The following EIF4G3 variants were observed in gnomAD, a reference collection of about 807,000 sequenced individuals.
EIF4G3 encodes the protein eIF-4-gamma 3.
EIF4G3 carries 34 observed loss-of-function variants against 186.4 expected under a neutral mutation model. The observed-to-expected ratio is 0.18, with a 90% confidence interval of 0.14 to 0.24. The LOEUF is 0.24. EIF4G3 is among the 10% of genes least tolerant of loss of function. The pLI is 1.00. For missense variants in EIF4G3, 1,536 were observed against 1,948.5 expected (o/e 0.79, Z 3.99); for synonymous variants, 673 against 679.5 (o/e 0.99, Z 0.15).
intron 6 of EIF4G3, among the ~76,000 whole-genome samples, chr1:20,998,033 A>T (rs2082670050): frequency 6.6e-6 from 1 of 152,172 alleles, no homozygotes; most frequent in African/African-American, 2.4e-5. Flanking sequence ...GCTGGAGGAA[A>T]TGAGAAAGCT....
rs2094178818 is a variant in EIF4G3, at chr1:21,051,014, T to C, written c.-195-20A>G. 1.4e-6 allele frequency: 1 copy of C among 717,186 alleles called. No homozygotes were observed. The highest frequency in any genetic ancestry group is 1.7e-5 in the African/African-American group (1 of 57,382). 44.4% of individuals were successfully genotyped at this position (717,186 alleles called of 1,614,324 possible). A position where few individuals can be genotyped will look rare whatever the true frequency, so the allele number is the denominator to read the frequency against. Reference sequence around the variant, plus strand: ...TGTTACCTGTGAGGAAATCAATATTTAGTAAGAACATTATATTAGTAAATC... The same window carrying C: ...TGTTACCTGTGAGGAAATCAATATTCAGTAAGAACATTATATTAGTAAATC... On this transcript the variant is annotated intron_variant, in intron 3 of 36. Coordinates refer to ENST00000602326, the MANE Select transcript of EIF4G3 (RefSeq NM_001391906.1).
intron 23 of EIF4G3, 85 bp downstream of exon 23, chr1:20,862,143 G>GTAAA: frequency 1.2e-6 from 1 of 811,022 alleles, no homozygotes; most frequent in Non-Finnish European, 1.9e-6. Context: ...CTTTACACAT[G>GTAAA]TAAACAACAG....
At chr1:20,993,080 T>G (rs1343706828) in intron 7 of EIF4G3, among the ~76,000 whole-genome samples, 1 of 152,168 alleles carries the variant, frequency 6.6e-6, no homozygotes, top group East Asian at 1.9e-4. Context: ...TTCTAAAAGC[T>G]CTTCAGGTTA....
At chr1:20,843,700 A>ATAGG in intron 29 of EIF4G3, among the ~76,000 whole-genome samples, 1 of 152,274 alleles carries the variant, frequency 6.6e-6, no homozygotes, top group South Asian at 2.1e-4. Flanking sequence ...GCTTTGCTAC[A>ATAGG]TAGGTAAATG....
chr1:20,943,144 C>T (rs1573250848), intron 13 of EIF4G3, among the ~76,000 whole-genome samples: 1 of 152,148 alleles, frequency 6.6e-6, no homozygotes, highest in African/African-American at 2.4e-5. Context: ...GCCTGGGCAA[C>T]TGAACAAGAT....
chr1:21,150,752 G>A (rs1190562623), intron 2 of EIF4G3, among the ~76,000 whole-genome samples: 1 of 152,216 alleles, frequency 6.6e-6, no homozygotes, highest in Non-Finnish European at 1.5e-5. Context: ...CGAGGCGGGT[G>A]GACCACCTGA....
chr1:20,939,491 C>A (rs2095634132), intron 14 of EIF4G3, among the ~76,000 whole-genome samples: 1 of 152,140 alleles, frequency 6.6e-6, no homozygotes, highest in African/African-American at 2.4e-5. Context: ...CCATCCATCC[C>A]TGGGCACTGT....
At chr1:21,126,199 CCT>C (rs1256805462) in intron 2 of EIF4G3, among the ~76,000 whole-genome samples, 5 of 149,492 alleles carry the variant, frequency 3.3e-5, no homozygotes, top group African/African-American at 1.2e-4. Context: ...AGATTGAGAC[CCT>C]GTCTCAAGAA....
At chr1:20,949,807 GA>G (rs2096126763) in intron 13 of EIF4G3, among the ~76,000 whole-genome samples, 195 bp downstream of exon 13, 2 of 152,116 alleles carry the variant, frequency 1.3e-5, no homozygotes, top group Admixed American at 1.3e-4. Context: ...ACAAATGTAT[GA>G]AATAATTTTA....
Position 21,007,077 on chromosome 1 carries a change from T to TA in EIF4G3, c.-66-4270dup, listed in dbSNP as rs1280337630. ...GTATGTGAACAAACATAAATCTGAC[T>TA]AAAAAACTAAGCTGCCAAATTTTCA... On this transcript the variant is annotated intron_variant, in intron 4 of 36. Transcript: ENST00000602326. Among the ~76,000 whole-genome samples, 3 of 152,084 alleles carry TA rather than the reference T, an allele frequency of 2.0e-5. No homozygotes were observed. In the East Asian group the frequency reaches 5.8e-4, roughly 29 times the overall value.
chr1:21,172,815 T>G (rs2098011428), intron 2 of EIF4G3, among the ~76,000 whole-genome samples: 1 of 150,128 alleles, frequency 6.7e-6, no homozygotes, highest in African/African-American at 2.5e-5. Flanking sequence ...CCCAAAGTGC[T>G]GGGATTACAG....
intron 3 of EIF4G3, among the ~76,000 whole-genome samples, chr1:21,054,442 C>T (rs961597724): frequency 6.8e-5 from 10 of 146,718 alleles, no homozygotes; most frequent in Non-Finnish European, 9.0e-5. Context: ...TCCCCCTCTG[C>T]GAGAAACACC....
chr1:20,808,201 T>C (rs895498180), intron 36 of EIF4G3, among the ~76,000 whole-genome samples: 1 of 152,002 alleles, frequency 6.6e-6, no homozygotes, highest in Non-Finnish European at 1.5e-5. Flanking sequence ...AACTATCTTC[T>C]GATACCAGTG....
chr1:20,823,673 CCTTTT>C (rs570600333), intron 33 of EIF4G3, among the ~76,000 whole-genome samples: 153 of 152,218 alleles, frequency 1.0e-3, no homozygotes, highest in African/African-American at 3.5e-3. Context: ...CTGCACCCAA[CCTTTT>C]CTTTTCTTTT....
intron 24 of EIF4G3, among the ~76,000 whole-genome samples, chr1:20,859,093 C>T (rs986617401): frequency 5.3e-5 from 8 of 152,196 alleles, no homozygotes; most frequent in African/African-American, 1.7e-4. Flanking sequence ...TGATTTTCTC[C>T]GTGCTATCTG....
chr1:21,013,540 T>A (rs1213299972), intron 4 of EIF4G3, among the ~76,000 whole-genome samples: 1 of 152,138 alleles, frequency 6.6e-6, no homozygotes, highest in Admixed American at 6.6e-5. Flanking sequence ...TTTCACCTGA[T>A]GCAAAGTTCG....
chr1:20,857,515 TG>T lies in EIF4G3; in HGVS notation c.3245-19del. ...CTGGACACCTGCAGGGAGAACAGAG[TG>T]GGAGTCTCTCATCTGTCTCAAGTCA... On this transcript the variant is annotated intron_variant, in intron 24 of 36. Transcript: ENST00000602326. 1 of 1,589,446 alleles carries T rather than the reference TG, an allele frequency of 6.3e-7. No homozygotes were observed. Among genetic ancestry groups the T allele is most frequent in the East Asian group, 2.2e-5 (1 of 44,780 alleles).
intron 16 of EIF4G3, among the ~76,000 whole-genome samples, chr1:20,899,282 T>G (rs187873419): frequency 2.6e-5 from 4 of 152,228 alleles, no homozygotes; most frequent in Non-Finnish European, 5.9e-5. Flanking sequence ...CAATACATTG[T>G]TTCAGAATTC....
At chr1:21,059,310 G>C (rs2094755932) in intron 3 of EIF4G3, among the ~76,000 whole-genome samples, 1 of 152,050 alleles carries the variant, frequency 6.6e-6, no homozygotes, top group Non-Finnish European at 1.5e-5. Flanking sequence ...TATACTTTAT[G>C]CTCCTCAAGC....
Sources: gnomAD v4.1 joint callset for allele counts (sites outside exome capture counted in the v4.1 genomes callset) on GRCh38, gnomAD v4.1.1 for gene constraint, MANE v1.5 for transcripts, NCBI Gene and HGNC (gene_info 2026-07-23, HGNC 2026-07-21) for gene names.